The following ARHGAP42 variants were observed in gnomAD, a reference collection of about 807,000 sequenced individuals.
ARHGAP42 encodes rho GTPase-activating protein 42.
In ARHGAP42, 63 loss-of-function variants were observed where a neutral mutation model predicts 125.0. The observed-to-expected ratio is 0.50, with a 90% CI of 0.41 to 0.62. The LOEUF (loss-of-function observed/expected upper bound fraction) is 0.62, where lower values mean the gene tolerates loss of function less well. Ranked by LOEUF, ARHGAP42 falls within the 20% of genes least tolerant of loss-of-function variation. The pLI is 0.00. For synonymous variants in ARHGAP42, 339 were observed against 351.0 expected, an observed-to-expected ratio of 0.97 and a Z score of 0.38; for missense variants, 766 against 1,024.2, an observed-to-expected ratio of 0.75 and a Z score of 3.44.
intron 22 of ARHGAP42, among the ~76,000 whole-genome samples, chr11:100,981,337 T>C (rs1244941415): frequency 6.6e-6 from 1 of 152,242 alleles, no homozygotes; most frequent in Admixed American, 6.5e-5. Context: ...ACACTAACTC[T>C]TAACAGTTAC....
At chr11:100,706,887 A>G (rs1861489105) in intron 1 of ARHGAP42, among the ~76,000 whole-genome samples, 1 of 152,166 alleles carries the variant, frequency 6.6e-6, no homozygotes, top group South Asian at 2.1e-4. Flanking sequence ...CTCTATCCCC[A>G]TTAGCTGTCA....
At chr11:100,867,805 A>G (rs987395505) in intron 4 of ARHGAP42, among the ~76,000 whole-genome samples, 8 of 152,140 alleles carry the variant, frequency 5.3e-5, no homozygotes, top group Non-Finnish European at 5.9e-5. Context: ...AATGATTTCT[A>G]GCTTTTGATT....
intron 4 of ARHGAP42, among the ~76,000 whole-genome samples, chr11:100,871,372 C>T (rs1020398924): frequency 1.3e-5 from 2 of 151,522 alleles, no homozygotes; most frequent in African/African-American, 4.9e-5. Context: ...TGGTGAAACC[C>T]CCATCTCTAC....
At chr11:100,721,163 A>T (rs1333855978) in intron 1 of ARHGAP42, among the ~76,000 whole-genome samples, 1 of 152,166 alleles carries the variant, frequency 6.6e-6, no homozygotes, top group Non-Finnish European at 1.5e-5. Context: ...CTACAACTGG[A>T]TGGGTTTTGG....
At chr11:100,852,829 C>G (rs1452846385) in intron 3 of ARHGAP42, among the ~76,000 whole-genome samples, 1 of 152,102 alleles carries the variant, frequency 6.6e-6, no homozygotes, top group African/African-American at 2.4e-5. Context: ...AATTGTGCCA[C>G]CAGAGGTACA....
At chr11:100,762,080 C>A (rs755254502) in intron 1 of ARHGAP42, among the ~76,000 whole-genome samples, 1 of 152,142 alleles carries the variant, frequency 6.6e-6, no homozygotes, top group South Asian at 2.1e-4. Context: ...GACTTCTTTC[C>A]GGATCTGAGC....
At chr11:100,726,006 G>A (rs1292751547) in intron 1 of ARHGAP42, among the ~76,000 whole-genome samples, 1 of 150,818 alleles carries the variant, frequency 6.6e-6, no homozygotes, top group Non-Finnish European at 1.5e-5. Flanking sequence ...GCTGAGCTGG[G>A]AGGAGCACTT....
At chr11:100,720,666 G>A (rs11224408) in intron 1 of ARHGAP42, among the ~76,000 whole-genome samples, 9,474 of 138,080 alleles carry the variant, frequency 0.069, 415 homozygotes, top group East Asian at 0.22. Flanking sequence ...GTATATGACT[G>A]TATTGGTTGA....
At position 100,770,384 on chromosome 11, in the gene ARHGAP42, G is replaced by A. The variant is rs760331146; in HGVS notation, c.196G>A (p.Asp66Asn). 2.6e-5 allele frequency: 40 copies of A among 1,550,494 alleles called. No individual in the cohort carries two copies. The highest frequency in any genetic ancestry group is 3.4e-5 in the Non-Finnish European group (39 of 1,146,650). ...GCAGAAATTTTCCCAGTCATTGCAA[G>A]ATTTCCAGTTTGAATGTATTGGTGA... is the stretch of plus-strand genomic sequence containing the variant. ...AVQKFSQSLQ[D>N]FQFECIGDAE... Residue 66 changes from aspartate to asparagine, a missense_variant, in exon 2 of 24, where the codon GAT becomes AAT. Asp to Asn is a conservative substitution (Grantham distance 23). Around this residue, in one of 3 missense-constraint regions of ARHGAP42, gnomAD observed 455 missense variants for 636.5 expected, o/e 0.71. Coordinates refer to ENST00000298815, the MANE Select transcript of ARHGAP42 (RefSeq NM_152432.4).
chr11:100,778,105 T>C (rs1282929181), intron 2 of ARHGAP42, among the ~76,000 whole-genome samples: 1 of 151,866 alleles, frequency 6.6e-6, no homozygotes, highest in Non-Finnish European at 1.5e-5. Context: ...GCCCAGAAGC[T>C]GAGGTTACAT....
At chr11:100,849,435 C>G (rs1367622867) in intron 3 of ARHGAP42, among the ~76,000 whole-genome samples, 2 of 152,170 alleles carry the variant, frequency 1.3e-5, no homozygotes, top group Non-Finnish European at 2.9e-5. Flanking sequence ...AGAGCCTGTG[C>G]TCAAACGCCT....
intron 2 of ARHGAP42, among the ~76,000 whole-genome samples, chr11:100,792,837 C>T (rs1311824597): frequency 1.3e-5 from 2 of 151,384 alleles, no homozygotes; most frequent in Non-Finnish European, 2.9e-5. Flanking sequence ...ACTGCAAGCT[C>T]TGCCTTCCGG....
chr11:100,925,013 G>A (rs1249241420), intron 6 of ARHGAP42, among the ~76,000 whole-genome samples: 2 of 151,746 alleles, frequency 1.3e-5, no homozygotes, highest in Non-Finnish European at 2.9e-5. Flanking sequence ...TATATTTTTA[G>A]TAGAGACAGG....
intron 4 of ARHGAP42, among the ~76,000 whole-genome samples, chr11:100,889,414 G>A (rs1866167096): frequency 6.6e-6 from 1 of 152,188 alleles, no homozygotes; most frequent in Non-Finnish European, 1.5e-5. Flanking sequence ...CAGAGGAGGA[G>A]TGAGGAGGCA....
chr11:100,977,084 C>A, intron 21 of ARHGAP42, 113 bp downstream of exon 21: 2 of 1,240,436 alleles, frequency 1.6e-6, no homozygotes, highest in Non-Finnish European at 1.1e-6. Context: ...AATACTTTAT[C>A]TGTAGAGTGG....
intron 2 of ARHGAP42, among the ~76,000 whole-genome samples, chr11:100,779,142 A>G (rs1863204597): frequency 6.6e-6 from 1 of 152,122 alleles, no homozygotes; most frequent in African/African-American, 2.4e-5. Context: ...TTAGAGCCTT[A>G]TATTAACAAT....
intron 1 of ARHGAP42, among the ~76,000 whole-genome samples, chr11:100,703,495 C>T (rs1038891617): frequency 1.3e-5 from 2 of 151,776 alleles, no homozygotes; most frequent in Non-Finnish European, 2.9e-5. Flanking sequence ...TATCATATTC[C>T]CTAAAAATGA....
At chr11:100,725,203 G>C (rs1252861491) in intron 1 of ARHGAP42, among the ~76,000 whole-genome samples, 2 of 146,718 alleles carry the variant, frequency 1.4e-5, no homozygotes, top group Non-Finnish European at 3.0e-5. Context: ...ACAGAGTCTT[G>C]CTCTGTAGCC....
intron 1 of ARHGAP42, among the ~76,000 whole-genome samples, chr11:100,736,743 T>G (rs1465355227): frequency 1.3e-5 from 2 of 152,220 alleles, no homozygotes; most frequent in Non-Finnish European, 2.9e-5. Context: ...TATAATAAGC[T>G]AAGCAGTTTG....
Sources: allele counts gnomAD v4.1 joint callset (sites outside exome capture counted in the v4.1 genomes callset), GRCh38; gene constraint gnomAD v4.1.1; regional missense constraint gnomAD v4.1.1; transcripts MANE v1.5; gene names NCBI Gene and HGNC (gene_info 2026-07-23, HGNC 2026-07-21).